Variants in ZBTB7C observed in about 807,000 individuals in gnomAD.
ZBTB7C encodes zinc finger and BTB domain containing 7C, also known as zinc finger and BTB domain-containing protein 7C.
ZBTB7C carries 8 observed loss-of-function variants against 25.7 expected under a neutral mutation model. That is an observed-to-expected ratio of 0.31 (90% CI 0.18 to 0.56). ZBTB7C has a LOEUF of 0.56. Among genes scored for constraint, ZBTB7C ranks in the 20% least tolerant of loss-of-function variants. ZBTB7C has a pLI of 0.91. For missense variants in ZBTB7C, 824 were observed against 855.2 expected (o/e 0.96, Z 0.46); for synonymous variants, 394 against 369.0 (o/e 1.07, Z -0.78).
chr18:48,104,648 G>C (rs1168479871), intron 3 of ZBTB7C, among the ~76,000 whole-genome samples: 2 of 152,228 alleles, frequency 1.3e-5, no homozygotes, highest in East Asian at 3.8e-4. Context: ...ATCGTTAGCT[G>C]TAATAGAAGA....
chr18:48,050,450 C>T (rs1274765980), intron 3 of ZBTB7C, among the ~76,000 whole-genome samples: 1 of 152,236 alleles, frequency 6.6e-6, no homozygotes, highest in Non-Finnish European at 1.5e-5. Context: ...CCCACCTGCT[C>T]TGCCACCCTG....
chr18:48,035,269 C>T (rs911075627), intron 4 of ZBTB7C, among the ~76,000 whole-genome samples: 1 of 152,230 alleles, frequency 6.6e-6, no homozygotes, highest in Admixed American at 6.5e-5. Flanking sequence ...GTGCAGAGGT[C>T]GTCCATCCCC....
At chr18:48,357,489 T>TGCTCAGC (rs1401493552) in intron 1 of ZBTB7C, among the ~76,000 whole-genome samples, 1 of 152,220 alleles carries the variant, frequency 6.6e-6, no homozygotes, top group Admixed American at 6.5e-5. Flanking sequence ...TAAACAAGCC[T>TGCTCAGC]GCTCAGCGCT....
intron 2 of ZBTB7C, among the ~76,000 whole-genome samples, chr18:48,238,591 T>C (rs1303559075): frequency 6.6e-6 from 1 of 152,186 alleles, no homozygotes; most frequent in Non-Finnish European, 1.5e-5. Context: ...GAATGAAATA[T>C]AAAAGTAGAA....
chr18:48,179,673 C>CTCCTTCCTTCCT lies in ZBTB7C; in HGVS notation c.-17+6249_-17+6260dup, dbSNP rs113058200. 6.3e-3 allele frequency among the ~76,000 whole-genome samples: 916 copies of CTCCTTCCTTCCT among 146,154 alleles called. 7 individuals are homozygous for CTCCTTCCTTCCT. The highest frequency in any genetic ancestry group is 0.017 in the African/African-American group (683 of 39,270). ...TCGACTGCAAAGAAGATATTTCTCT[C>CTCCTTCCTTCCT]TCCTTCCTTCCTTCCTTCCTTCCTT... On this transcript the variant is annotated intron_variant, in intron 3 of 4. Transcript: ENST00000590800.
intron 2 of ZBTB7C, among the ~76,000 whole-genome samples, chr18:48,220,803 C>A (rs1234471288): frequency 6.6e-6 from 1 of 152,094 alleles, no homozygotes; most frequent in Non-Finnish European, 1.5e-5. Flanking sequence ...CACTGTTCAG[C>A]AGCAAAAACG....
At chr18:48,221,919 TAGTCTCCTCTATACTGTCCC>T (rs1389149148) in intron 2 of ZBTB7C, among the ~76,000 whole-genome samples, 3,388 of 149,414 alleles carry the variant, frequency 0.023, 155 homozygotes, top group African/African-American at 0.079. Flanking sequence ...TATACTGTCC[TAGTCTCCTCTATACTGTCCC>T]AGTCTCCTCT....
intron 2 of ZBTB7C, among the ~76,000 whole-genome samples, chr18:48,272,131 G>T (rs375417176): frequency 3.9e-5 from 6 of 152,260 alleles, no homozygotes; most frequent in African/African-American, 1.4e-4. Flanking sequence ...ATTACTTCTG[G>T]GTGTGTCATG....
intron 3 of ZBTB7C, among the ~76,000 whole-genome samples, chr18:48,045,931 T>C (rs1184578659): frequency 2.0e-5 from 3 of 152,228 alleles, no homozygotes; most frequent in Non-Finnish European, 4.4e-5. Flanking sequence ...TGGCAGAGGA[T>C]TGAGGCCTTC....
intron 3 of ZBTB7C, among the ~76,000 whole-genome samples, chr18:48,153,080 C>G (rs1225449470): frequency 6.6e-6 from 1 of 152,194 alleles, no homozygotes; most frequent in Non-Finnish European, 1.5e-5. Flanking sequence ...CAGAATCAAC[C>G]CCATCTTTGT....
chr18:48,138,339 A>G lies in ZBTB7C; in HGVS notation c.-17+47595T>C, dbSNP rs1291844447. Reference sequence around the variant, plus strand: ...GCCCCTTGCCTGAAATTCCAATGTTAGAGATTCATTCCTTCTCGGGGTATG... The same window carrying G: ...GCCCCTTGCCTGAAATTCCAATGTTGGAGATTCATTCCTTCTCGGGGTATG... On this transcript the variant is annotated intron_variant, in intron 3 of 4. Coordinates refer to ENST00000590800, the MANE Select transcript of ZBTB7C (RefSeq NM_001318841.2). Among the ~76,000 whole-genome samples the G allele has an allele frequency of 4.6e-5, 7 of 152,192 alleles. No homozygotes were observed. In the East Asian group the frequency reaches 1.2e-3, roughly 25 times the overall value.
chr18:48,409,794 T>C (rs2048362407), upstream of ZBTB7C, among the ~76,000 whole-genome samples: 2 of 151,970 alleles, frequency 1.3e-5, no homozygotes, highest in Admixed American at 6.5e-5. Context: ...TCTTTTCTCT[T>C]TCTTTCCTTT....
At chr18:48,394,480 T>A (rs1022089815) in intron 1 of ZBTB7C, among the ~76,000 whole-genome samples, 7 of 152,282 alleles carry the variant, frequency 4.6e-5, no homozygotes, top group Non-Finnish European at 7.4e-5. Flanking sequence ...TGCAGTGGGT[T>A]CATTCATTTT....
intron 2 of ZBTB7C, among the ~76,000 whole-genome samples, chr18:48,298,182 C>T (rs777028195): frequency 1.1e-4 from 17 of 150,986 alleles, no homozygotes; most frequent in Non-Finnish European, 2.2e-4. Flanking sequence ...CGGAAGGCTG[C>T]GGCAGGAGAA....
intron 3 of ZBTB7C, among the ~76,000 whole-genome samples, chr18:48,061,327 C>T (rs74474393): frequency 0.059 from 8,908 of 152,242 alleles, 374 homozygotes; most frequent in East Asian, 0.14. Flanking sequence ...CCCCAAGACT[C>T]ATTGTGGTCT....
intron 3 of ZBTB7C, among the ~76,000 whole-genome samples, chr18:48,052,553 G>C (rs2036733496): frequency 1.3e-5 from 2 of 152,148 alleles, no homozygotes; most frequent in Admixed American, 6.5e-5. Context: ...TGGCCCTGGG[G>C]ACTTTACACC....
At chr18:48,234,637 GTTT>G (rs372584156) in intron 2 of ZBTB7C, among the ~76,000 whole-genome samples, 51 of 152,230 alleles carry the variant, frequency 3.4e-4, no homozygotes, top group South Asian at 1.0e-3. Context: ...TACTAAGTTG[GTTT>G]TGGGAATTGC....
intron 3 of ZBTB7C, among the ~76,000 whole-genome samples, chr18:48,051,784 G>A (rs2036696657): frequency 6.6e-6 from 1 of 152,196 alleles, no homozygotes; most frequent in African/African-American, 2.4e-5. Context: ...GAGCTGGCGG[G>A]ACACACCAAT....
rs188803854 is a variant in ZBTB7C at position 48,270,421 on chromosome 18, C to T, written c.-79+67753G>A. On this transcript the variant is annotated intron_variant, in intron 2 of 4. Transcript: ENST00000590800. ...TAATTTTTGTATTTTTATGGCTGGA[C>T]GCAGTGGCTTATGCCTGTAATCCCA... Among the ~76,000 whole-genome samples the T allele has an allele frequency of 4.8e-3, 728 of 151,016 alleles. 2 individuals carry two copies. The highest frequency in any genetic ancestry group is 0.017 in the African/African-American group (682 of 41,298).
Sources: gnomAD v4.1 joint callset for allele counts (sites outside exome capture counted in the v4.1 genomes callset) on GRCh38, gnomAD v4.1.1 for gene constraint, MANE v1.5 for transcripts, NCBI Gene and HGNC (gene_info 2026-07-23, HGNC 2026-07-21) for gene names.